Variants in NAV1 observed in about 807,000 individuals in gnomAD.
NAV1 encodes pore membrane and/or filament interacting like protein 3.
A neutral mutation model predicts 175.2 loss-of-function variants in NAV1; 18 were observed. The ratio of observed to expected loss-of-function variants is 0.10; its 90% CI spans 0.07 to 0.15. The LOEUF (loss-of-function observed/expected upper bound fraction) is 0.15. Ranked by LOEUF, NAV1 falls within the 10% of genes least tolerant of loss-of-function variation. The pLI, the probability that NAV1 is intolerant of heterozygous loss-of-function variation, is 1.00. For missense variants in NAV1, 1,731 were observed against 2,436.6 expected (o/e 0.71, Z 6.10); for synonymous variants, 897 against 978.7 (o/e 0.92, Z 1.56).
rs540690806 is a variant in NAV1, at chr1:201,651,708, G to T, written c.757+2283G>T. Among the ~76,000 whole-genome samples, 7 of 152,258 alleles carry T rather than the reference G, an allele frequency of 4.6e-5. No homozygotes were observed. In the South Asian group the frequency reaches 1.5e-3, roughly 32 times the overall value. On this transcript the variant is annotated intron_variant, in intron 1 of 29. Transcript: ENST00000367296. Reference sequence around the variant, plus strand: ...GAGAGAGGAAGAGTCAGCAGGCAGAGGGACCTGCCCAAGGCTATGTCTACT... The same window carrying T: ...GAGAGAGGAAGAGTCAGCAGGCAGATGGACCTGCCCAAGGCTATGTCTACT...
At chr1:201,568,811 G>A (rs1015972179) in intron 1 of NAV1, among the ~76,000 whole-genome samples, 4 of 152,106 alleles carry the variant, frequency 2.6e-5, no homozygotes, top group African/African-American at 7.2e-5. Flanking sequence ...GCTGCTCACC[G>A]ACTCCCTCTT....
intron 1 of NAV1, among the ~76,000 whole-genome samples, chr1:201,555,935 C>G (rs2102458249): frequency 6.6e-6 from 1 of 152,014 alleles, no homozygotes; most frequent in South Asian, 2.1e-4. Context: ...TCTGGAACCC[C>G]AAGAGAACAG....
chr1:201,701,707 A>G (rs1040969748), intron 1 of NAV1, among the ~76,000 whole-genome samples: 8 of 152,254 alleles, frequency 5.3e-5, no homozygotes, highest in African/African-American at 1.7e-4. Flanking sequence ...TACCCACTGG[A>G]TGGCTATCAA....
intron 1 of NAV1, among the ~76,000 whole-genome samples, chr1:201,710,633 C>T (rs749520501): frequency 2.6e-5 from 4 of 152,190 alleles, no homozygotes; most frequent in Non-Finnish European, 5.9e-5. Context: ...GCTAGTGGTG[C>T]AGAGATGCCC....
upstream of NAV1, among the ~76,000 whole-genome samples, chr1:201,619,317 G>C (rs1234830782): frequency 2.0e-5 from 3 of 152,234 alleles, no homozygotes; most frequent in Non-Finnish European, 4.4e-5. Flanking sequence ...AAGGGGCTGG[G>C]AGCCCAGGGA....
chr1:201,785,464 T>C (rs2102724787), intron 8 of NAV1, 113 bp downstream of exon 12: 3 of 1,118,288 alleles, frequency 2.7e-6, no homozygotes, highest in East Asian at 2.4e-5. Flanking sequence ...CCCTTTTAGC[T>C]GAATCATTTG....
At chr1:201,631,707 TAGA>T (rs113654448) in intron 2 of NAV1, among the ~76,000 whole-genome samples, 1,880 of 152,370 alleles carry the variant, frequency 0.012, 33 homozygotes, top group African/African-American at 0.043. Flanking sequence ...ATCCCATTTA[TAGA>T]AGGATAATTG....
intron 1 of NAV1, among the ~76,000 whole-genome samples, chr1:201,566,015 T>C (rs999561350): frequency 2.6e-5 from 4 of 152,190 alleles, no homozygotes; most frequent in Non-Finnish European, 4.4e-5. Context: ...TGGTCCTTTC[T>C]TTCAGATCCT....
At chr1:201,632,013 G>A (rs1381393976) in intron 2 of NAV1, among the ~76,000 whole-genome samples, 1 of 152,064 alleles carries the variant, frequency 6.6e-6, no homozygotes, top group East Asian at 1.9e-4. Context: ...CTATCAGCCT[G>A]TTTCTTCTCT....
intron 2 of NAV1, among the ~76,000 whole-genome samples, chr1:201,607,202 A>T (rs1166399382): frequency 1.4e-5 from 2 of 138,544 alleles, no homozygotes; most frequent in African/African-American, 2.8e-5. Flanking sequence ...TGCAACCTTC[A>T]CCTCCCAGGT....
rs895914268 is a variant in NAV1 at position 201,740,341 on chromosome 1, G to C, written c.1226+21586G>C. On this transcript the variant is annotated intron_variant, in intron 3 of 29. Coordinates refer to ENST00000367296, the Ensembl canonical transcript of NAV1. The surrounding 1 kb of genome is among the most constrained non-coding windows in gnomAD (Gnocchi z 4.7). ...GGAGTGGGTGTGTGGAGGGCTCTAG[G>C]GAGTGGAAAGGGAAGGAAAGGAGCT... Among the ~76,000 whole-genome samples, 1 of 152,240 alleles carries C rather than the reference G, an allele frequency of 6.6e-6. No individual in the cohort carries two copies. The highest frequency in any genetic ancestry group is 1.5e-5 in the Non-Finnish European group (1 of 68,044).
chr1:201,811,692 C>T, exon 25 of NAV1: 1 of 1,613,356 alleles, frequency 6.2e-7, no homozygotes, highest in South Asian at 1.1e-5. Context: ...TATTGGATGA[C>T]CTGAGTGAAG....
Position 201,725,077 on chromosome 1 carries a change from A to C in NAV1, c.1226+6322A>C, listed in dbSNP as rs560349099. 7.2e-5 allele frequency among the ~76,000 whole-genome samples: 11 copies of C among 152,282 alleles called. 1 individual carries two copies. The Middle Eastern group carries it at 0.01, about 141-fold the overall frequency. On this transcript the variant is annotated intron_variant, in intron 3 of 29. Coordinates refer to ENST00000367296, the Ensembl canonical transcript of NAV1. ...AGCTACCCTCCTGAGAAGGAGCTGCATTCACTGCCCTCCCACTTGGCTCAT... is the reference window on the plus strand; with the variant it reads ...AGCTACCCTCCTGAGAAGGAGCTGCCTTCACTGCCCTCCCACTTGGCTCAT...
At chr1:201,599,262 C>A (rs983650251) in intron 2 of NAV1, among the ~76,000 whole-genome samples, 2 of 152,176 alleles carry the variant, frequency 1.3e-5, no homozygotes, top group African/African-American at 4.8e-5. Context: ...CAACCCCAAT[C>A]TTTATGGCTA....
At chr1:201,752,177 G>A (rs1404973065) in intron 3 of NAV1, among the ~76,000 whole-genome samples, 1 of 151,996 alleles carries the variant, frequency 6.6e-6, no homozygotes, top group African/African-American at 2.4e-5. Context: ...TAAGAAGGCG[G>A]TTAATTCTGA....
At chr1:201,648,641 G>T (rs1571862190) in exon 1 of NAV1, 8 of 1,312,154 alleles carry the variant, frequency 6.1e-6, no homozygotes, top group Non-Finnish European at 7.7e-6. Context: ...CAGACGCGCG[G>T]ATCGTCCATG....
At chr1:201,747,010 G>GA (rs1673813883) in intron 3 of NAV1, among the ~76,000 whole-genome samples, 1 of 149,200 alleles carries the variant, frequency 6.7e-6, no homozygotes, top group Non-Finnish European at 1.5e-5. Context: ...AAAAAAAAAT[G>GA]AAGAAATTTG....
intron 13 of NAV1, chr1:201,792,341 T>C (rs1677171780): frequency 2.0e-5 from 3 of 152,102 alleles, no homozygotes; most frequent in Admixed American, 2.0e-4. Context: ...ACACCCTAGA[T>C]GTAGGGGCCC....
chr1:201,770,951 C>A (rs1245794441), intron 3 of NAV1, among the ~76,000 whole-genome samples: 1 of 152,134 alleles, frequency 6.6e-6, no homozygotes, highest in Non-Finnish European at 1.5e-5. Context: ...GAGAACAGGG[C>A]AGGAGGGTAG....
Sources: gnomAD v4.1 joint callset for allele counts (sites outside exome capture counted in the v4.1 genomes callset) on GRCh38, gnomAD v4.1.1 for gene constraint, Gnocchi (gnomAD v3.1) non-coding constraint, MANE v1.5 for transcripts, NCBI Gene and HGNC (gene_info 2026-07-23, HGNC 2026-07-21) for gene names.